Variants in UTS2B observed in about 807,000 individuals in gnomAD.
The protein encoded by UTS2B is urotensin-2B.
In UTS2B, 21 loss-of-function variants were observed where a neutral mutation model predicts 19.2. The ratio of observed to expected loss-of-function variants is 1.09; its 90% CI spans 0.78 to 1.58. The LOEUF is 1.58. UTS2B is among the 40% of genes most tolerant of loss of function. UTS2B has a pLI of 0.00. For synonymous variants in UTS2B, 57 were observed against 50.2 expected (o/e 1.14, Z -0.58); for missense variants, 138 against 130.3 (o/e 1.06, Z -0.29).
At chr3:191,327,810 C>T (rs1717788000) in intron 2 of UTS2B, among the ~76,000 whole-genome samples, 1 of 152,090 alleles carries the variant, frequency 6.6e-6, no homozygotes, top group South Asian at 2.1e-4. Flanking sequence ...TAAATATTCT[C>T]TAGACCACAG....
Position 191,282,136 on chromosome 3 carries a change from G to C in UTS2B, c.54C>G (p.Ser18=), listed in dbSNP as rs373048915. 9 of 1,613,328 alleles carry C rather than the reference G, an allele frequency of 5.6e-6. No individual in the cohort carries two copies. Among genetic ancestry groups the C allele is most frequent in the Admixed American group, 3.3e-5 (2 of 59,928 alleles). Residue 18 remains serine (S), a synonymous_variant, in exon 5 of 9, where the codon TCC becomes TCG. Transcript: ENST00000340524. ...TVCFGLLTLL[S]VLSFLQSVHG... Reference sequence around the variant, plus strand: ...GCACAGATTGTAAAAAACTCAACACGGATAACAAAGTTAGGAGTCCAAAGC... The same window carrying C: ...GCACAGATTGTAAAAAACTCAACACCGATAACAAAGTTAGGAGTCCAAAGC...
At chr3:191,308,125 C>T (rs559206275) in intron 3 of UTS2B, among the ~76,000 whole-genome samples, 14 of 152,252 alleles carry the variant, frequency 9.2e-5, no homozygotes, top group Middle Eastern at 3.4e-3. Flanking sequence ...TCAGCCACCA[C>T]GATGTAGGGA....
At chr3:191,273,365 T>TAC (rs1456177623) in intron 8 of UTS2B, 2 of 418,946 alleles carry the variant, frequency 4.8e-6, no homozygotes, top group Admixed American at 4.9e-5. Flanking sequence ...GTACTATAGG[T>TAC]ACTTCCTTAC....
At chr3:191,269,200 T>C (rs891780578) in intron 8 of UTS2B, among the ~76,000 whole-genome samples, 1 of 152,238 alleles carries the variant, frequency 6.6e-6, no homozygotes, top group Non-Finnish European at 1.5e-5. Flanking sequence ...CTTTGATTCA[T>C]TGTTGATCAG....
At chr3:191,303,497 A>T (rs912832079) in intron 4 of UTS2B, among the ~76,000 whole-genome samples, 4 of 151,732 alleles carry the variant, frequency 2.6e-5, no homozygotes, top group Admixed American at 6.6e-5. Context: ...CAAGATAAAA[A>T]TTTGGGCAGT....
chr3:191,323,231 C>T (rs1280415830), intron 2 of UTS2B, among the ~76,000 whole-genome samples: 2 of 152,062 alleles, frequency 1.3e-5, no homozygotes, highest in Non-Finnish European at 2.9e-5. Flanking sequence ...CTCTGTTGCC[C>T]AGGCTAGAGA....
intron 5 of UTS2B, among the ~76,000 whole-genome samples, chr3:191,278,509 A>T (rs1716299125): frequency 6.6e-6 from 1 of 152,084 alleles, no homozygotes; most frequent in Admixed American, 6.5e-5. Context: ...TATTTAAAAT[A>T]AGTATAAACT....
intron 8 of UTS2B, among the ~76,000 whole-genome samples, chr3:191,272,761 T>C (rs1184480182): frequency 6.6e-6 from 1 of 151,186 alleles, no homozygotes; most frequent in East Asian, 1.9e-4. Context: ...CTTGGGAGGC[T>C]GAGGCAGGAG....
At position 191,288,279 on chromosome 3, in the gene UTS2B, C is replaced by T. The variant is rs80207228; in HGVS notation, c.-124-5966G>A. 3.2e-3 allele frequency among the ~76,000 whole-genome samples: 484 copies of T among 152,186 alleles called. 10 individuals carry two copies. In the East Asian group the frequency reaches 0.051, roughly 16 times the overall value. On this transcript the variant is annotated intron_variant, in intron 4 of 8. Transcript: ENST00000340524. ...TACAGAAATAGAAATAAAAGCAATCCTAAAATTTGTATGGAACTACAGAAG... is the reference window on the plus strand; with the variant it reads ...TACAGAAATAGAAATAAAAGCAATCTTAAAATTTGTATGGAACTACAGAAG...
chr3:191,307,109 C>T (rs898055611), intron 3 of UTS2B, among the ~76,000 whole-genome samples: 8 of 152,164 alleles, frequency 5.3e-5, no homozygotes, highest in African/African-American at 1.7e-4. Context: ...GAGAAAGAAA[C>T]AGCAATATTC....
At chr3:191,309,774 T>G (rs749759942) in intron 3 of UTS2B, among the ~76,000 whole-genome samples, 13 of 152,140 alleles carry the variant, frequency 8.5e-5, no homozygotes, top group Non-Finnish European at 1.8e-4. Flanking sequence ...TTCCTCCTGC[T>G]CTAGCTGTAT....
At chr3:191,285,352 G>A (rs2603683) in intron 4 of UTS2B, among the ~76,000 whole-genome samples, 76,843 of 151,906 alleles carry the variant, frequency 0.51, 21,176 homozygotes, top group Middle Eastern at 0.63. Context: ...CAAAAGACAG[G>A]AAAATATGGA....
chr3:191,314,248 C>T (rs550865316), intron 3 of UTS2B, among the ~76,000 whole-genome samples: 75 of 152,272 alleles, frequency 4.9e-4, no homozygotes, highest in African/African-American at 1.7e-3. Context: ...TTTCACGTTA[C>T]ATATATGCAG....
chr3:191,327,899 T>A (rs972880818), intron 2 of UTS2B, among the ~76,000 whole-genome samples: 1 of 152,218 alleles, frequency 6.6e-6, no homozygotes, highest in Non-Finnish European at 1.5e-5. Context: ...ACTTCCTTCT[T>A]ATTCCCACAT....
chr3:191,345,928 T>C, the UTS2B span, among the ~76,000 whole-genome samples: 5 of 152,224 alleles, frequency 3.3e-5, no homozygotes, highest in Admixed American at 3.3e-4. Context: ...TTATATAATA[T>C]AGTGCTCCCT....
At chr3:191,281,048 C>A (rs1716371155) in intron 5 of UTS2B, among the ~76,000 whole-genome samples, 1 of 152,104 alleles carries the variant, frequency 6.6e-6, no homozygotes, top group Non-Finnish European at 1.5e-5. Context: ...ATTTCCTCTG[C>A]CAACAGAACT....
At chr3:191,288,674 A>AAC (rs1716623444) in intron 4 of UTS2B, among the ~76,000 whole-genome samples, 1 of 151,994 alleles carries the variant, frequency 6.6e-6, no homozygotes, top group South Asian at 2.1e-4. Context: ...CTGTAAAAAA[A>AAC]AAACTACTTT....
chr3:191,300,215 A>G (rs1716959345), intron 4 of UTS2B, among the ~76,000 whole-genome samples: 1 of 151,526 alleles, frequency 6.6e-6, no homozygotes, highest in African/African-American at 2.4e-5. Context: ...ATGCCTGGCT[A>G]ATTTTTGTAT....
chr3:191,295,392 C>CT (rs1716831278), intron 4 of UTS2B, among the ~76,000 whole-genome samples: 1 of 151,916 alleles, frequency 6.6e-6, no homozygotes, highest in South Asian at 2.1e-4. Flanking sequence ...CCCTAGTTTT[C>CT]TTTTTTTCTC....
Sources: allele counts gnomAD v4.1 joint callset (sites outside exome capture counted in the v4.1 genomes callset), GRCh38; gene constraint gnomAD v4.1.1; transcripts MANE v1.5; gene names NCBI Gene and HGNC (gene_info 2026-07-23, HGNC 2026-07-21).